Variants in DCC observed in about 807,000 individuals in gnomAD.
The protein encoded by DCC is DCC netrin 1 receptor.
Under a neutral mutation model 172.5 loss-of-function variants are expected in DCC, and 58 were observed. The observed-to-expected ratio is 0.34, with a 90% confidence interval of 0.27 to 0.42. The LOEUF (loss-of-function observed/expected upper bound fraction) is 0.42, where lower values mean the gene tolerates loss of function less well. Ranked by LOEUF, DCC falls within the 10% of genes least tolerant of loss-of-function variation. DCC has a pLI of 1.00. For synonymous variants in DCC, 709 were observed against 644.5 expected (o/e 1.10, Z -1.52); for missense variants, 1,740 against 1,791.0 (o/e 0.97, Z 0.51).
chr18:52,375,569 C>T (rs1985313330), intron 1 of DCC, among the ~76,000 whole-genome samples: 1 of 152,138 alleles, frequency 6.6e-6, no homozygotes, highest in South Asian at 2.1e-4. Context: ...AGTATCATGT[C>T]TCCGTGGACC....
At chr18:52,938,495 T>C (rs2040414072) in intron 5 of DCC, among the ~76,000 whole-genome samples, 1 of 152,122 alleles carries the variant, frequency 6.6e-6, no homozygotes, top group African/African-American at 2.4e-5. Context: ...GAGCTAAAAA[T>C]ACTACAGACT....
intron 2 of DCC, among the ~76,000 whole-genome samples, chr18:52,834,661 T>G (rs1351279940): frequency 2.6e-5 from 4 of 152,144 alleles, no homozygotes; most frequent in Non-Finnish European, 5.9e-5. Context: ...TGACCTTATT[T>G]TACAGAACCA....
intron 5 of DCC, among the ~76,000 whole-genome samples, chr18:52,935,142 AGCAC>A (rs2040363866): frequency 6.6e-6 from 1 of 152,156 alleles, no homozygotes; most frequent in Non-Finnish European, 1.5e-5. Flanking sequence ...ACATATTGGT[AGCAC>A]AAATAATCTT....
chr18:52,482,472 T>G (rs1000254811), intron 1 of DCC, among the ~76,000 whole-genome samples: 6 of 152,138 alleles, frequency 3.9e-5, no homozygotes, highest in Admixed American at 6.6e-5. Flanking sequence ...AGTTCTCGTG[T>G]CTGGGAAGTC....
intron 12 of DCC, among the ~76,000 whole-genome samples, chr18:53,234,436 A>AAAAT (rs151068016): frequency 6.1e-4 from 93 of 151,862 alleles, no homozygotes; most frequent in Middle Eastern, 3.4e-3. Flanking sequence ...TCAAATTAAA[A>AAAAT]AAATAAATAA....
chr18:52,408,768 A>C (rs1216231213), intron 1 of DCC, among the ~76,000 whole-genome samples: 1 of 152,140 alleles, frequency 6.6e-6, no homozygotes, highest in Non-Finnish European at 1.5e-5. Context: ...ATTAACTATT[A>C]GATTTTCTTT....
intron 7 of DCC, among the ~76,000 whole-genome samples, chr18:53,079,704 G>C (rs1297749962): frequency 6.6e-6 from 1 of 152,142 alleles, no homozygotes; most frequent in Non-Finnish European, 1.5e-5. Flanking sequence ...AATGGGAAGA[G>C]GAATTCATTG....
rs536791749 is a variant in DCC, at chr18:53,314,329, A to G, written c.2054-7718A>G. 2.0e-5 allele frequency among the ~76,000 whole-genome samples: 3 copies of G among 152,358 alleles called. No homozygotes were observed. In the South Asian group the frequency reaches 6.2e-4, roughly 32 times the overall value. On this transcript the variant is annotated intron_variant, in intron 13 of 28. Coordinates refer to ENST00000442544, the MANE Select transcript of DCC (RefSeq NM_005215.4). ...ATTTTCTTGATAAAGGTTTGATAAA[A>G]AAGTTACCGAATTTAGAATCCAAAG...
intron 15 of DCC, among the ~76,000 whole-genome samples, chr18:53,354,948 TG>T (rs2057860211): frequency 6.6e-6 from 1 of 152,130 alleles, no homozygotes; most frequent in South Asian, 2.1e-4. Context: ...AATTAATTTT[TG>T]TATAAGGTGT....
intron 17 of DCC, among the ~76,000 whole-genome samples, chr18:53,393,058 C>G (rs1908670437): frequency 6.6e-6 from 1 of 152,100 alleles, no homozygotes; most frequent in Non-Finnish European, 1.5e-5. Flanking sequence ...TTTAGGTCTC[C>G]TTATACTTTA....
At chr18:52,748,185 G>C (rs547801296) in intron 1 of DCC, among the ~76,000 whole-genome samples, 3 of 152,182 alleles carry the variant, frequency 2.0e-5, no homozygotes, top group Admixed American at 6.5e-5. Flanking sequence ...TTTAGGTGCC[G>C]GCACAGGCGC....
chr18:53,306,658 T>C (rs1005735531), intron 13 of DCC, among the ~76,000 whole-genome samples: 1 of 152,266 alleles, frequency 6.6e-6, no homozygotes, highest in Non-Finnish European at 1.5e-5. Context: ...CAGTCCCCAG[T>C]GAAGCCAGAG....
chr18:53,291,403 G>A (rs1185272111), intron 12 of DCC, among the ~76,000 whole-genome samples: 2 of 151,966 alleles, frequency 1.3e-5, no homozygotes, highest in Admixed American at 6.6e-5. Flanking sequence ...GGCATGAATC[G>A]TATTTAAACC....
intron 1 of DCC, among the ~76,000 whole-genome samples, chr18:52,460,867 A>T (rs1167383237): frequency 6.6e-6 from 1 of 152,194 alleles, no homozygotes; most frequent in East Asian, 1.9e-4. Flanking sequence ...TGAGTCAGTG[A>T]GTGGTAAATG....
chr18:53,070,066 G>A (rs1346569546), intron 7 of DCC, among the ~76,000 whole-genome samples: 5 of 150,780 alleles, frequency 3.3e-5, no homozygotes, highest in East Asian at 3.9e-4. Flanking sequence ...TGCAACCTCC[G>A]CCTCCCAGGT....
chr18:52,612,101 C>A (rs866622794), intron 1 of DCC, among the ~76,000 whole-genome samples: 5 of 152,166 alleles, frequency 3.3e-5, no homozygotes, highest in African/African-American at 1.2e-4. Flanking sequence ...CAGAATTTCA[C>A]TCCAAACTGA....
Position 52,385,648 on chromosome 18 carries a change from A to AGTAGTAGTG in DCC, c.91+44778_91+44779insGGTAGTAGT, listed in dbSNP as rs1301191611. On this transcript the variant is annotated intron_variant, in intron 1 of 28. Transcript: ENST00000442544. ...AATTGATAGTGGTAGTAGTGTTAGTAGTAGTAGTAGTAGTAATTAGTGATA... is the reference window on the plus strand; with the variant it reads ...AATTGATAGTGGTAGTAGTGTTAGTAGTAGTAGTGGTAGTAGTAGTAGTAATTAGTGATA... Among the ~76,000 whole-genome samples the AGTAGTAGTG allele has an allele frequency of 3.3e-5, 5 of 152,178 alleles. No homozygotes were observed. The East Asian group carries it at 5.8e-4, about 18-fold the overall frequency.
At chr18:53,312,539 AG>A (rs2057287265) in intron 13 of DCC, among the ~76,000 whole-genome samples, 1 of 141,100 alleles carries the variant, frequency 7.1e-6, no homozygotes, top group Admixed American at 7.2e-5. Context: ...CAAAAAAAAA[AG>A]CTTTTAATTG....
chr18:52,945,962 T>G (rs1196637630), intron 5 of DCC, among the ~76,000 whole-genome samples: 1 of 152,088 alleles, frequency 6.6e-6, no homozygotes, highest in East Asian at 1.9e-4. Context: ...CTAGTAACAA[T>G]TGGCCGGGGC....
Sources: gnomAD v4.1 joint callset for allele counts (sites outside exome capture counted in the v4.1 genomes callset) on GRCh38, gnomAD v4.1.1 for gene constraint, MANE v1.5 for transcripts, NCBI Gene and HGNC (gene_info 2026-07-23, HGNC 2026-07-21) for gene names.